The following TOMM20 variants were observed in gnomAD, a reference collection of about 807,000 sequenced individuals.
TOMM20 encodes translocase of outer mitochondrial membrane 20, also known as mitochondrial import receptor subunit TOM20 homolog.
In TOMM20, 10 loss-of-function variants were observed where a neutral mutation model predicts 22.1. The ratio of observed to expected loss-of-function variants is 0.45; its 90% confidence interval spans 0.28 to 0.77. TOMM20 has a LOEUF of 0.77. Ranked by LOEUF, TOMM20 falls within the 30% of genes least tolerant of loss-of-function variation. The probability of loss-of-function intolerance (pLI) is 0.13; values close to 1 mark genes in which losing one functional copy is unlikely to be tolerated. For missense variants in TOMM20, 121 were observed against 172.2 expected, an observed-to-expected ratio of 0.70 and a Z score of 1.66; for synonymous variants, 55 against 61.4, an observed-to-expected ratio of 0.90 and a Z score of 0.49.
At chr1:235,114,324 G>T (rs1476067922) in intron 3 of TOMM20, among the ~76,000 whole-genome samples, 1 of 151,748 alleles carries the variant, frequency 6.6e-6, no homozygotes, top group African/African-American at 2.4e-5. Flanking sequence ...GAATGGTATC[G>T]CATGGGAAGA....
rs2102806401 is a variant in TOMM20, at chr1:235,111,373, A to G, written c.*691T>C. 6.6e-6 allele frequency: 1 copy of G among 152,390 alleles called. No homozygotes were observed. The highest frequency in any genetic ancestry group is 3.4e-3 in the Middle Eastern group (1 of 294). 9.4% of individuals were successfully genotyped at this position (152,390 alleles called of 1,614,324 possible). A position where few individuals can be genotyped will look rare whatever the true frequency, so the allele number is the denominator to read the frequency against. On this transcript the variant is annotated 3_prime_UTR_variant, in exon 5 of 5. Transcript: ENST00000366607. The stretch of plus-strand genomic sequence containing the variant: ...AAAGTGAGCACACATTAACTAGCGA[A>G]GCTCACAAGGCTAGATTAGGGGTGT...
At chr1:235,115,719 T>C (rs1660817291) in intron 3 of TOMM20, among the ~76,000 whole-genome samples, 2 of 152,228 alleles carry the variant, frequency 1.3e-5, no homozygotes, top group Admixed American at 6.5e-5. Context: ...TGAGCAGATA[T>C]TTACTGCCTT....
chr1:235,127,164 A>G (rs916204816), intron 1 of TOMM20, among the ~76,000 whole-genome samples: 3 of 152,174 alleles, frequency 2.0e-5, no homozygotes, highest in Admixed American at 2.0e-4. Flanking sequence ...CATTTTGGCA[A>G]CTACAGGACA....
At chr1:235,128,420 T>C (rs773159729) in intron 1 of TOMM20, among the ~76,000 whole-genome samples, 175 bp downstream of exon 1, 6 of 152,200 alleles carry the variant, frequency 3.9e-5, no homozygotes, top group Non-Finnish European at 5.9e-5. Flanking sequence ...CAAAATGGAA[T>C]TCCTACGGGG....
At chr1:235,118,419 G>A (rs1301225716) in intron 3 of TOMM20, among the ~76,000 whole-genome samples, 3 of 152,194 alleles carry the variant, frequency 2.0e-5, no homozygotes, top group African/African-American at 7.2e-5. Context: ...CCAATGCCTG[G>A]GTCCTCTCTC....
At chr1:235,113,065 T>A (rs1398765221) in intron 4 of TOMM20, among the ~76,000 whole-genome samples, 1 of 152,182 alleles carries the variant, frequency 6.6e-6, no homozygotes, top group Non-Finnish European at 1.5e-5. Flanking sequence ...CTTCCTATCA[T>A]CATTCACTGT....
chr1:235,122,958 C>A (rs2102812239), intron 1 of TOMM20, among the ~76,000 whole-genome samples: 1 of 152,254 alleles, frequency 6.6e-6, no homozygotes, highest in South Asian at 2.1e-4. Context: ...GTGATAATCA[C>A]TAAAAACTAC....
At chr1:235,112,317 A>G (rs925555182) in intron 4 of TOMM20, among the ~76,000 whole-genome samples, 1 of 152,170 alleles carries the variant, frequency 6.6e-6, no homozygotes, top group African/African-American at 2.4e-5. Flanking sequence ...TCAAAAGTCA[A>G]GTTAACAAAG....
chr1:235,117,492 G>T (rs1660856542), intron 3 of TOMM20, among the ~76,000 whole-genome samples: 1 of 149,426 alleles, frequency 6.7e-6, no homozygotes, highest in Non-Finnish European at 1.5e-5. Flanking sequence ...AAAAAAAAAG[G>T]AGAAAACAGT....
In TOMM20 at chr1:235,122,373, C is replaced by A; in HGVS notation, c.122-1G>T. 1 of 1,575,082 alleles carries A rather than the reference C, an allele frequency of 6.3e-7. No homozygotes were observed. Among genetic ancestry groups the A allele is most frequent in the Non-Finnish European group, 8.6e-7 (1 of 1,163,524 alleles). ...TTGGCAAGCTTCTGTTTCTTTCTTC[C>A]TGCAAGAAATGCAAAGTTATATTTA... On this transcript the variant is annotated splice_acceptor_variant, in intron 1 of 4. Transcript: ENST00000366607. LOFTEE classifies it high-confidence loss of function.
At chr1:235,116,406 G>C (rs887155098) in intron 3 of TOMM20, among the ~76,000 whole-genome samples, 24 of 152,070 alleles carry the variant, frequency 1.6e-4, no homozygotes, top group Middle Eastern at 3.2e-3. Context: ...GAGCATGGTA[G>C]CACGTGCCTG....
intron 1 of TOMM20, among the ~76,000 whole-genome samples, chr1:235,124,278 T>G (rs1298684588): frequency 2.0e-5 from 3 of 152,150 alleles, no homozygotes; most frequent in Admixed American, 1.3e-4. Flanking sequence ...ACCTGGGAGT[T>G]TGAGGTTGCA....
intron 3 of TOMM20, among the ~76,000 whole-genome samples, chr1:235,114,538 C>T (rs768812450): frequency 1.8e-4 from 27 of 150,722 alleles, no homozygotes; most frequent in Non-Finnish European, 2.9e-4. Flanking sequence ...CCAGGGTTCA[C>T]GCCATTCTCC....
chr1:235,126,071 A>G (rs1661013447), intron 1 of TOMM20, among the ~76,000 whole-genome samples: 1 of 150,794 alleles, frequency 6.6e-6, no homozygotes, highest in African/African-American at 2.4e-5. Context: ...ATTAGATTAG[A>G]TAGATAGATA....
chr1:235,114,333 G>GA (rs957323635), intron 3 of TOMM20, among the ~76,000 whole-genome samples: 31 of 147,498 alleles, frequency 2.1e-4, no homozygotes, highest in Non-Finnish European at 3.0e-5. Flanking sequence ...CGCATGGGAA[G>GA]AAAAAAAAAT....
In TOMM20 at chr1:235,122,531, C is replaced by G; in HGVS notation, c.122-159G>C. The G allele has an allele frequency of 5.2e-6, 3 of 577,282 alleles. No homozygotes were observed. In the Admixed American group the frequency reaches 1.0e-4, roughly 19 times the overall value. 35.8% of individuals were successfully genotyped at this position (577,282 alleles called of 1,614,324 possible). On this transcript the variant is annotated intron_variant, in intron 1 of 4. Transcript: ENST00000366607. ...ATCTGTCAAGAGCATATGACATGTT[C>G]TGGTCAATGAGCTGTAGGAAATGTG...
In TOMM20 at chr1:235,128,804, A is replaced by C. The variant is rs1572134395; in HGVS notation, c.-89T>G. The C allele has an allele frequency of 1.3e-6, 2 of 1,573,622 alleles. No homozygotes were observed. The highest frequency in any genetic ancestry group is 2.7e-5 in the African/African-American group (2 of 73,588). On this transcript the variant is annotated 5_prime_UTR_variant, in exon 1 of 5. Transcript: ENST00000366607. ...ACCCTCAGAGCGGTCGGCGCAGCTC[A>C]CACCCGACGGCCGCGGGCCAGGAAC...
intron 2 of TOMM20, 68 bp from the exon 3 acceptor site, chr1:235,119,967 C>CA: frequency 1.0e-6 from 1 of 992,260 alleles, no homozygotes; most frequent in Non-Finnish European, 1.5e-6. Context: ...ACACAGATAT[C>CA]AATAAAAATA....
rs1020321564 is a variant in TOMM20 at position 235,121,551 on chromosome 1, C to T, written c.168+775G>A. On this transcript the variant is annotated intron_variant, in intron 2 of 4. Coordinates refer to ENST00000366607, the MANE Select transcript of TOMM20 (RefSeq NM_014765.3). Reference sequence around the variant, plus strand: ...ACTATTACCATGTCCAGTCAACTAGCTGTGTTTACACAACTGTTTCAAAAT... The same window carrying T: ...ACTATTACCATGTCCAGTCAACTAGTTGTGTTTACACAACTGTTTCAAAAT... 4.6e-5 allele frequency among the ~76,000 whole-genome samples: 7 copies of T among 152,206 alleles called. 1 individual carries two copies. The highest frequency in any genetic ancestry group is 4.6e-4 in the Admixed American group (7 of 15,274).
Sources: allele counts gnomAD v4.1 joint callset (sites outside exome capture counted in the v4.1 genomes callset), GRCh38; gene constraint gnomAD v4.1.1; transcripts MANE v1.5; gene names NCBI Gene and HGNC (gene_info 2026-07-23, HGNC 2026-07-21).